SSBP3: variants seen among roughly 807,000 people sequenced by gnomAD.
SSBP3 encodes single stranded DNA binding protein 3.
In SSBP3, 5 loss-of-function variants were observed where a neutral mutation model predicts 69.6. The ratio of observed to expected loss-of-function variants is 0.07; its 90% CI spans 0.04 to 0.15. The LOEUF is 0.15. Ranked by LOEUF, SSBP3 falls within the 10% of genes least tolerant of loss-of-function variation. The pLI, the probability that SSBP3 is intolerant of heterozygous loss-of-function variation, is 1.00. For missense variants in SSBP3, 312 were observed against 534.0 expected (o/e 0.58, Z 4.10); for synonymous variants, 196 against 193.4 (o/e 1.01, Z -0.11).
intron 4 of SSBP3, among the ~76,000 whole-genome samples, chr1:54,389,693 C>T (rs1278676492): frequency 6.7e-6 from 1 of 150,234 alleles, no homozygotes; most frequent in African/African-American, 2.5e-5. Context: ...CCTGTCTCTA[C>T]CAAAAAAAAA....
At chr1:54,251,624 C>A (rs186829684) in exon 9 of SSBP3, 1 of 1,551,588 alleles carries the variant, frequency 6.4e-7, no homozygotes, top group Non-Finnish European at 8.7e-7. Flanking sequence ...ACCTGTGGGC[C>A]GGGACCCATG....
At chr1:54,299,202 T>C (rs1645756174) in intron 4 of SSBP3, among the ~76,000 whole-genome samples, 1 of 150,868 alleles carries the variant, frequency 6.6e-6, no homozygotes, top group Non-Finnish European at 1.5e-5. Context: ...CCTAGCCAAG[T>C]ACACACACAC....
intron 4 of SSBP3, among the ~76,000 whole-genome samples, chr1:54,338,352 C>T (rs922806554): frequency 3.9e-5 from 6 of 152,240 alleles, no homozygotes; most frequent in Admixed American, 1.3e-4. Context: ...CCTTATTCTA[C>T]TTTACTTTGC....
intron 5 of SSBP3, among the ~76,000 whole-genome samples, chr1:54,271,593 C>T (rs763298813): frequency 1.7e-5 from 2 of 119,816 alleles, no homozygotes; most frequent in Non-Finnish European, 3.4e-5. Flanking sequence ...CTGTTCACAG[C>T]CACTCTGCGG....
At chr1:54,332,863 G>A (rs1288555979) in intron 4 of SSBP3, among the ~76,000 whole-genome samples, 3 of 152,230 alleles carry the variant, frequency 2.0e-5, no homozygotes, top group Non-Finnish European at 4.4e-5. Context: ...GAGGGGACAA[G>A]TAAAGTGTGT....
chr1:54,229,416 G>A lies in SSBP3; in HGVS notation c.928-590C>T, dbSNP rs543807965. On this transcript the variant is annotated intron_variant, in intron 14 of 17. Coordinates refer to ENST00000610401, the Ensembl canonical transcript of SSBP3. Reference sequence around the variant, plus strand: ...ATGAAGATGTTTCCTGGGGCTGGGCGGTGAGAAGAGGTGGGGTTTGATGAG... The same window carrying A: ...ATGAAGATGTTTCCTGGGGCTGGGCAGTGAGAAGAGGTGGGGTTTGATGAG... 1.2e-4 allele frequency among the ~76,000 whole-genome samples: 18 copies of A among 152,260 alleles called. 1 individual carries two copies. The highest frequency in any genetic ancestry group is 4.1e-4 in the African/African-American group (17 of 41,540).
chr1:54,365,980 C>T (rs369809406), intron 4 of SSBP3, among the ~76,000 whole-genome samples: 8 of 152,176 alleles, frequency 5.3e-5, no homozygotes, highest in Admixed American at 2.0e-4. Flanking sequence ...TCTGACCTCA[C>T]GGAGTTACTG....
chr1:54,320,185 G>A (rs1646187284), intron 4 of SSBP3, among the ~76,000 whole-genome samples: 1 of 152,176 alleles, frequency 6.6e-6, no homozygotes, highest in African/African-American at 2.4e-5. Context: ...CTGAACAAAA[G>A]TGAAAGGGAA....
intron 4 of SSBP3, among the ~76,000 whole-genome samples, chr1:54,291,064 C>T (rs575758569): frequency 1.4e-4 from 21 of 152,318 alleles, no homozygotes; most frequent in Non-Finnish European, 2.4e-4. Context: ...AATTCCCTGG[C>T]GTGGACCCGC....
At chr1:54,393,741 G>A (rs1648661070) in intron 4 of SSBP3, among the ~76,000 whole-genome samples, 1 of 152,156 alleles carries the variant, frequency 6.6e-6, no homozygotes, top group South Asian at 2.1e-4. Context: ...TAATCTTTAT[G>A]ACCTTATAAA....
chr1:54,389,472 C>T (rs1648328666), intron 4 of SSBP3, among the ~76,000 whole-genome samples: 1 of 152,218 alleles, frequency 6.6e-6, no homozygotes, highest in East Asian at 1.9e-4. Flanking sequence ...CTTCAGCTGG[C>T]TCATCTCCGT....
At chr1:54,395,859 C>A (rs543970832) in intron 4 of SSBP3, among the ~76,000 whole-genome samples, 11 of 152,084 alleles carry the variant, frequency 7.2e-5, no homozygotes, top group Non-Finnish European at 1.6e-4. Flanking sequence ...ACAACACAGA[C>A]ACAAACACTG....
At chr1:54,256,498 C>T (rs762379476) in intron 7 of SSBP3, among the ~76,000 whole-genome samples, 1 of 152,070 alleles carries the variant, frequency 6.6e-6, no homozygotes, top group Non-Finnish European at 1.5e-5. Flanking sequence ...AATGGGCCAG[C>T]GTAAGGCATA....
intron 4 of SSBP3, among the ~76,000 whole-genome samples, chr1:54,308,811 T>C (rs1349646493): frequency 1.3e-5 from 2 of 151,702 alleles, no homozygotes; most frequent in Non-Finnish European, 2.9e-5. Context: ...AAGCCATTGA[T>C]CACCAAGGAA....
At chr1:54,330,289 T>C (rs1390059374) in intron 4 of SSBP3, among the ~76,000 whole-genome samples, 1 of 152,110 alleles carries the variant, frequency 6.6e-6, no homozygotes, top group Non-Finnish European at 1.5e-5. Context: ...TCCGGGCACA[T>C]GAGGACTGCT....
chr1:54,288,804 G>C (rs563781748), intron 4 of SSBP3, among the ~76,000 whole-genome samples: 1 of 151,890 alleles, frequency 6.6e-6, no homozygotes, highest in East Asian at 1.9e-4. Context: ...GGATCACAAG[G>C]TCAGGAGATC....
rs149342134 is a variant in SSBP3, at chr1:54,347,616, T to G, written c.276+54245A>C. On this transcript the variant is annotated intron_variant, in intron 4 of 17. Coordinates refer to ENST00000610401, the Ensembl canonical transcript of SSBP3. The stretch of plus-strand genomic sequence containing the variant: ...TCTACATCCTTTTGCAAGTATCACT[T>G]AGCAAAAATGAGGTGATATTGGATT... Among the ~76,000 whole-genome samples, 484 of 152,330 alleles carry G rather than the reference T, an allele frequency of 3.2e-3. 3 individuals carry two copies. Among genetic ancestry groups the G allele is most frequent in the African/African-American group, 0.011 (456 of 41,576 alleles).
intron 4 of SSBP3, among the ~76,000 whole-genome samples, chr1:54,308,317 C>T (rs775751962): frequency 1.3e-5 from 2 of 151,810 alleles, no homozygotes; most frequent in Admixed American, 6.6e-5. Flanking sequence ...ATTAGCCGGG[C>T]GTGGCCGGGC....
intron 4 of SSBP3, among the ~76,000 whole-genome samples, chr1:54,299,248 A>C (rs1333581100): frequency 6.6e-6 from 1 of 152,126 alleles, no homozygotes; most frequent in Non-Finnish European, 1.5e-5. Context: ...GCTGCAAGAC[A>C]CTGGTATTTT....
Sources: gnomAD v4.1 joint callset for allele counts (sites outside exome capture counted in the v4.1 genomes callset) on GRCh38, gnomAD v4.1.1 for gene constraint, MANE v1.5 for transcripts, NCBI Gene and HGNC (gene_info 2026-07-23, HGNC 2026-07-21) for gene names.